The following CLEC12A variants were observed in gnomAD, a reference collection of about 807,000 sequenced individuals.
CLEC12A encodes C-type lectin protein CLL-1.
A neutral mutation model predicts 26.5 loss-of-function variants in CLEC12A; 22 were observed. The observed-to-expected ratio is 0.83, with a 90% CI of 0.59 to 1.19. The LOEUF is 1.19. Ranked by LOEUF, CLEC12A falls within the 50% of genes most tolerant of loss-of-function variation. CLEC12A has a pLI of 0.00. For synonymous variants in CLEC12A, 119 were observed against 101.9 expected, an observed-to-expected ratio of 1.17 and a Z score of -1.01; for missense variants, 353 against 315.6, an observed-to-expected ratio of 1.12 and a Z score of -0.90.
intron 1 of CLEC12A, among the ~76,000 whole-genome samples, chr12:9,957,448 A>G (rs1395102982): frequency 9.5e-6 from 1 of 105,136 alleles, no homozygotes; most frequent in Non-Finnish European, 2.0e-5. Context: ...AAATCGTGCC[A>G]CTGCATTCCA....
exon 5 of CLEC12A, chr12:9,995,333 C>G: frequency 9.0e-7 from 1 of 1,113,214 alleles, no homozygotes; most frequent in Non-Finnish European, 1.4e-6. Flanking sequence ...AGACGTTGGA[C>G]AAAAAATGTT....
chr12:9,998,964 G>A (rs1865119735), downstream of CLEC12A: 5 of 873,274 alleles, frequency 5.7e-6, no homozygotes, highest in East Asian at 9.7e-5. Flanking sequence ...ATTATCAATA[G>A]TAGAAAAAGA....
At chr12:9,972,103 C>A (rs868376163) in intron 1 of CLEC12A, among the ~76,000 whole-genome samples, 1 of 151,048 alleles carries the variant, frequency 6.6e-6, no homozygotes, top group African/African-American at 2.4e-5. Flanking sequence ...GACAGAGAGA[C>A]CTTTATAGGA....
At chr12:9,957,028 T>A (rs1026359549) in intron 1 of CLEC12A, among the ~76,000 whole-genome samples, 1 of 152,218 alleles carries the variant, frequency 6.6e-6, no homozygotes, top group Non-Finnish European at 1.5e-5. Context: ...GTTATCGATA[T>A]AAACCAAAAT....
chr12:9,955,103 T>A (rs582018), intron 1 of CLEC12A, among the ~76,000 whole-genome samples: 35,075 of 152,032 alleles, frequency 0.23, 4,668 homozygotes, highest in South Asian at 0.39. Flanking sequence ...TTCTTTTTTT[T>A]AAAAACGGAG....
At chr12:9,990,959 A>G (rs1012029251) in intron 4 of CLEC12A, 1 of 152,228 alleles carries the variant, frequency 6.6e-6, no homozygotes, top group Admixed American at 6.5e-5. Flanking sequence ...ATTTTTAGCA[A>G]TAAACTATTT....
At chr12:9,983,814 C>G (rs1864656918) in intron 5 of CLEC12A, 1 of 332,402 alleles carries the variant, frequency 3.0e-6, no homozygotes, top group East Asian at 5.6e-5. Flanking sequence ...GTGGCCCTAC[C>G]TCTGATGGTT....
At chr12:9,995,107 A>C in exon 5 of CLEC12A, 1 of 1,604,424 alleles carries the variant, frequency 6.2e-7, no homozygotes, top group South Asian at 1.1e-5. Flanking sequence ...AGTTTCCAGT[A>C]CTCCCTCCTA....
intron 1 of CLEC12A, 148 bp downstream of exon 1, chr12:9,971,835 G>GA (rs1219319610): frequency 6.2e-5 from 36 of 584,968 alleles, no homozygotes; most frequent in African/African-American, 5.6e-4. Flanking sequence ...AAAAGTGTAT[G>GA]AACAAAATGA....
chr12:9,971,928 A>G (rs1303324966), intron 1 of CLEC12A, among the ~76,000 whole-genome samples: 1 of 152,108 alleles, frequency 6.6e-6, no homozygotes, highest in Non-Finnish European at 1.5e-5. Context: ...TTATTATCAC[A>G]CTCAATATAA....
downstream of CLEC12A, chr12:9,985,832 A>C (rs1026833430): frequency 1.6e-5 from 3 of 184,610 alleles, no homozygotes; most frequent in Non-Finnish European, 3.3e-5. Context: ...TAATAAGCAA[A>C]TAAATTTTCA....
chr12:10,001,373 C>G, the CLEC12A span, among the ~76,000 whole-genome samples: 1 of 152,232 alleles, frequency 6.6e-6, no homozygotes, highest in Non-Finnish European at 1.5e-5. Flanking sequence ...TTTCCTATAT[C>G]TCAGGCTCTG....
At chr12:9,965,695 G>A (rs1156327506) in intron 1 of CLEC12A, among the ~76,000 whole-genome samples, 1 of 152,060 alleles carries the variant, frequency 6.6e-6, no homozygotes, top group African/African-American at 2.4e-5. Context: ...AGCCTTGTCT[G>A]GTTTTAGGAC....
chr12:9,997,088 C>A (rs1865070309), downstream of CLEC12A: 2 of 1,608,914 alleles, frequency 1.2e-6, no homozygotes, highest in Admixed American at 1.7e-5. Context: ...AGATCTCAAA[C>A]TCCCTTCAGT....
chr12:9,993,614 G>A (rs935640112), intron 4 of CLEC12A, among the ~76,000 whole-genome samples: 1 of 151,970 alleles, frequency 6.6e-6, no homozygotes, highest in African/African-American at 2.4e-5. Flanking sequence ...ACTTTAGTTC[G>A]GTATTGATGG....
intron 1 of CLEC12A, among the ~76,000 whole-genome samples, chr12:9,962,362 G>C (rs1337395638): frequency 6.7e-6 from 1 of 149,598 alleles, no homozygotes; most frequent in East Asian, 2.0e-4. Context: ...CTGAAGGTGT[G>C]TGTCTCCAAA....
chr12:9,990,921 T>G (rs1864877929), intron 4 of CLEC12A: 1 of 152,206 alleles, frequency 6.6e-6, no homozygotes, highest in South Asian at 2.1e-4. Context: ...AAAAAGATTT[T>G]CACTCACTAA....
rs752683376 is a variant in CLEC12A, at chr12:9,993,245, A to T, written n.1005-1773A>T. 3.9e-5 allele frequency: 63 copies of T among 1,612,630 alleles called. 4 individuals are homozygous for T. In the South Asian group the frequency reaches 6.7e-4, roughly 17 times the overall value. ...GGTGCATTTTCCCATTATGAAAATA[A>T]GCACAATTCATATTTCCTTTTCCAT... On this transcript the variant is annotated intron_variant and non_coding_transcript_variant, in intron 4 of 4. Coordinates refer to the CLEC12A transcript ENST00000449959.
At chr12:9,975,561 G>A (rs1313652541) in intron 1 of CLEC12A, among the ~76,000 whole-genome samples, 5 of 152,144 alleles carry the variant, frequency 3.3e-5, no homozygotes. Context: ...CGTGACTCGG[G>A]TGCTGTTAAA....
Sources: allele counts gnomAD v4.1 joint callset (sites outside exome capture counted in the v4.1 genomes callset), GRCh38; gene constraint gnomAD v4.1.1; transcripts MANE v1.5; gene names NCBI Gene and HGNC (gene_info 2026-07-23, HGNC 2026-07-21).